RABGAP1L: variants seen among roughly 807,000 people sequenced by gnomAD.
RABGAP1L encodes rab GTPase-activating protein 1-like.
In RABGAP1L, 63 loss-of-function variants were observed where a neutral mutation model predicts 137.7. The ratio of observed to expected loss-of-function variants is 0.46; its 90% CI spans 0.37 to 0.56. RABGAP1L has a LOEUF of 0.56. Ranked by LOEUF, RABGAP1L falls within the 20% of genes least tolerant of loss-of-function variation. The pLI, the probability that RABGAP1L is intolerant of heterozygous loss-of-function variation, is 0.00. For synonymous variants in RABGAP1L, 431 were observed against 433.7 expected (o/e 0.99, Z 0.08); for missense variants, 1,095 against 1,244.0 (o/e 0.88, Z 1.80).
At chr1:174,941,706 A>G (rs1345488751) in intron 19 of RABGAP1L, among the ~76,000 whole-genome samples, 1 of 152,058 alleles carries the variant, frequency 6.6e-6, no homozygotes, top group African/African-American at 2.4e-5. Flanking sequence ...AAAACAAAAC[A>G]AAACAAAACA....
Position 174,541,378 on chromosome 1 carries a change from A to G in RABGAP1L, c.1711-95997A>G, listed in dbSNP as rs189722221. Among the ~76,000 whole-genome samples, 100 of 152,290 alleles carry G rather than the reference A, an allele frequency of 6.6e-4. 1 individual carries two copies. Among genetic ancestry groups the G allele is most frequent in the Non-Finnish European group, 1.2e-4 (8 of 68,014 alleles). On this transcript the variant is annotated intron_variant, in intron 13 of 25. Coordinates refer to ENST00000681986, the MANE Select transcript of RABGAP1L (RefSeq NM_001366446.1). ...ATCCCTGTCTTGTGCCAGTTTTCAA[A>G]GGGAGTGCTTCTGGTTTTGGCCCAT... is the stretch of plus-strand genomic sequence containing the variant.
At chr1:174,969,971 T>A (rs1451778484) in intron 21 of RABGAP1L, among the ~76,000 whole-genome samples, 2 of 152,176 alleles carry the variant, frequency 1.3e-5, no homozygotes, top group East Asian at 3.8e-4. Context: ...AGTAAAACAC[T>A]TCGATAGTAT....
At chr1:174,384,781 G>A (rs1052884382) in intron 12 of RABGAP1L, among the ~76,000 whole-genome samples, 2 of 152,122 alleles carry the variant, frequency 1.3e-5, no homozygotes, top group East Asian at 1.9e-4. Flanking sequence ...AGTATAGTAG[G>A]TGCTCAATTC....
chr1:174,649,387 G>A (rs1675262722), intron 14 of RABGAP1L, among the ~76,000 whole-genome samples: 1 of 152,044 alleles, frequency 6.6e-6, no homozygotes, highest in South Asian at 2.1e-4. Flanking sequence ...CTCTTTTAGG[G>A]CAGGTCTGGT....
intron 7 of RABGAP1L, among the ~76,000 whole-genome samples, chr1:174,266,616 C>T (rs1674096761): frequency 6.6e-6 from 1 of 152,220 alleles, no homozygotes; most frequent in Non-Finnish European, 1.5e-5. Context: ...CCACAAGTCA[C>T]TATATACATA....
chr1:174,375,177 A>G (rs1298838840), intron 12 of RABGAP1L, among the ~76,000 whole-genome samples: 1 of 152,062 alleles, frequency 6.6e-6, no homozygotes, highest in African/African-American at 2.4e-5. Context: ...CTAAAACTAT[A>G]AACAAAATTT....
intron 11 of RABGAP1L, among the ~76,000 whole-genome samples, chr1:174,337,481 CAT>C (rs1305565836): frequency 6.6e-6 from 1 of 152,214 alleles, no homozygotes; most frequent in South Asian, 2.1e-4. Context: ...TCCACAGAAA[CAT>C]AGAACATTAT....
At chr1:174,843,244 T>A (rs904478154) in intron 19 of RABGAP1L, among the ~76,000 whole-genome samples, 1 of 140,092 alleles carries the variant, frequency 7.1e-6, no homozygotes, top group Non-Finnish European at 1.5e-5. Flanking sequence ...TTTTTTTTTA[T>A]ACTTTAAGTT....
chr1:174,492,509 G>A (rs901024641), intron 13 of RABGAP1L, among the ~76,000 whole-genome samples: 5 of 151,868 alleles, frequency 3.3e-5, no homozygotes, highest in African/African-American at 1.2e-4. Context: ...CACCACTCTC[G>A]GCTAGTTCTT....
At position 174,663,094 on chromosome 1, in the gene RABGAP1L, T is replaced by C. The variant is rs143372385; in HGVS notation, c.1825-20428T>C. 2.0e-4 allele frequency among the ~76,000 whole-genome samples: 30 copies of C among 152,320 alleles called. No homozygotes were observed. In the South Asian group the frequency reaches 3.7e-3, roughly 19 times the overall value. ...AAATAAATTTATTGTAGCCTAAGCG[T>C]ACAGTATTTATAAAGGCTGCATTAG... On this transcript the variant is annotated intron_variant, in intron 14 of 25. Coordinates refer to ENST00000681986, the MANE Select transcript of RABGAP1L (RefSeq NM_001366446.1).
chr1:174,672,631 C>T (rs942760463), intron 14 of RABGAP1L, among the ~76,000 whole-genome samples: 1 of 151,944 alleles, frequency 6.6e-6, no homozygotes, highest in African/African-American at 2.4e-5. Flanking sequence ...TTTGCTGCAT[C>T]CCATAGGTTT....
At chr1:174,459,084 A>G (rs1656379305) in intron 13 of RABGAP1L, among the ~76,000 whole-genome samples, 1 of 152,144 alleles carries the variant, frequency 6.6e-6, no homozygotes, top group South Asian at 2.1e-4. Flanking sequence ...GCTAAGATGT[A>G]TTGCAGTGCT....
rs745625722 is a variant in RABGAP1L, at chr1:174,449,221, TGTA to T, written c.1710+55077_1710+55079del. The T allele has an allele frequency of 2.0e-6, 3 of 1,527,446 alleles. No homozygotes were observed. The East Asian group carries it at 6.8e-5, about 35-fold the overall frequency. The allele number at this position is 1,527,446 out of a possible 1,614,324, so 94.6% of individuals were successfully genotyped here. A position where few individuals can be genotyped will look rare whatever the true frequency, so the allele number is the denominator to read the frequency against. ...GAAGAGAGCTACATAGTAAATCAAA[TGTA>T]ATCTGACAGTGGTTTTGGATCATAT... is the stretch of plus-strand genomic sequence containing the variant. On this transcript the variant is annotated intron_variant, in intron 13 of 25. Transcript: ENST00000681986.
chr1:174,259,678 T>C (rs1001195664), intron 7 of RABGAP1L, among the ~76,000 whole-genome samples: 4 of 152,210 alleles, frequency 2.6e-5, no homozygotes, highest in African/African-American at 9.6e-5. Flanking sequence ...TCTTTTCCTT[T>C]TCTTGATTAC....
intron 11 of RABGAP1L, among the ~76,000 whole-genome samples, chr1:174,318,625 TTTCTTTC>T (rs1044954143): frequency 6.9e-6 from 1 of 144,152 alleles, no homozygotes; most frequent in African/African-American, 2.6e-5. Flanking sequence ...TCTTTCTTTC[TTTCTTTC>T]TTTTTCTTTC....
intron 11 of RABGAP1L, among the ~76,000 whole-genome samples, chr1:174,349,460 AC>A (rs1228865954): frequency 1.1e-5 from 1 of 94,620 alleles, no homozygotes. Context: ...CGTGGGGCTG[AC>A]CCCCCCACCT....
At chr1:174,684,988 T>A (rs79738113) in intron 15 of RABGAP1L, among the ~76,000 whole-genome samples, 7 of 94,776 alleles carry the variant, frequency 7.4e-5, no homozygotes, top group African/African-American at 1.7e-4. Context: ...CTCAAAAAAA[T>A]AATAATAATA....
At chr1:174,870,167 A>G (rs551759570) in intron 19 of RABGAP1L, among the ~76,000 whole-genome samples, 1 of 152,336 alleles carries the variant, frequency 6.6e-6, no homozygotes, top group South Asian at 2.1e-4. Flanking sequence ...TGTTGACCTG[A>G]TATTTGCAAA....
intron 13 of RABGAP1L, among the ~76,000 whole-genome samples, chr1:174,597,478 T>C (rs370510553): frequency 6.6e-6 from 1 of 152,138 alleles, no homozygotes; most frequent in Non-Finnish European, 1.5e-5. Flanking sequence ...CCATTTCTTC[T>C]AGGTTTTCTG....
Sources: gnomAD v4.1 joint callset for allele counts (sites outside exome capture counted in the v4.1 genomes callset) on GRCh38, gnomAD v4.1.1 for gene constraint, MANE v1.5 for transcripts, NCBI Gene and HGNC (gene_info 2026-07-23, HGNC 2026-07-21) for gene names.